DPP10: variants seen among roughly 807,000 people sequenced by gnomAD.
The protein encoded by DPP10 is dipeptidyl peptidase like 10.
A neutral mutation model predicts 120.9 loss-of-function variants in DPP10; 33 were observed. The observed-to-expected ratio is 0.27, with a 90% CI of 0.21 to 0.37. The LOEUF (loss-of-function observed/expected upper bound fraction) is 0.37, where lower values mean the gene tolerates loss of function less well. Among genes scored for constraint, DPP10 ranks in the 10% least tolerant of loss-of-function variants. The pLI, the probability that DPP10 is intolerant of heterozygous loss-of-function variation, is 1.00. For synonymous variants in DPP10, 337 were observed against 326.1 expected (o/e 1.03, Z -0.36); for missense variants, 816 against 942.8 (o/e 0.87, Z 1.76).
intron 3 of DPP10, among the ~76,000 whole-genome samples, chr2:115,391,254 A>G (rs1244951777): frequency 6.6e-6 from 1 of 152,194 alleles, no homozygotes; most frequent in African/African-American, 2.4e-5. Flanking sequence ...ATGATTAACA[A>G]CAGGACTTAT....
intron 5 of DPP10, among the ~76,000 whole-genome samples, chr2:115,598,818 T>TC (rs939411789): frequency 6.6e-6 from 1 of 151,080 alleles, no homozygotes. Flanking sequence ...AAGAGCTTTT[T>TC]TTTTTTTCAT....
intron 1 of DPP10, among the ~76,000 whole-genome samples, chr2:114,930,556 G>T (rs2104495848): frequency 6.6e-6 from 1 of 152,298 alleles, no homozygotes; most frequent in Non-Finnish European, 1.5e-5. Flanking sequence ...TTCCATCTGA[G>T]GTGCCATCAG....
At chr2:115,201,974 A>G (rs1034427959) in intron 1 of DPP10, among the ~76,000 whole-genome samples, 2 of 152,096 alleles carry the variant, frequency 1.3e-5, no homozygotes, top group South Asian at 4.1e-4. Context: ...ATGTCTTAGG[A>G]TGAGGGTACT....
At chr2:114,843,742 T>G (rs1233198154) in intron 1 of DPP10, among the ~76,000 whole-genome samples, 1 of 152,116 alleles carries the variant, frequency 6.6e-6, no homozygotes, top group Non-Finnish European at 1.5e-5. Context: ...CGTCAATCCC[T>G]TCTGCCTCCT....
At chr2:115,373,207 T>C (rs528581527) in intron 3 of DPP10, among the ~76,000 whole-genome samples, 1 of 152,292 alleles carries the variant, frequency 6.6e-6, no homozygotes, top group South Asian at 2.1e-4. Flanking sequence ...TGTCAAACAC[T>C]CAGATAATAA....
chr2:114,495,983 C>A (rs1273062098), intron 1 of DPP10, among the ~76,000 whole-genome samples: 1 of 152,168 alleles, frequency 6.6e-6, no homozygotes, highest in African/African-American at 2.4e-5. Context: ...CAAGACTGAT[C>A]CTGATATCAT....
chr2:114,549,694 GAA>G (rs1400919451), intron 1 of DPP10, among the ~76,000 whole-genome samples: 2 of 135,218 alleles, frequency 1.5e-5, no homozygotes, highest in African/African-American at 2.7e-5. Context: ...AAGAGAGAGA[GAA>G]ATAAATAAAA....
rs530368244 is a variant in DPP10 at position 114,571,497 on chromosome 2, T to A, written c.60+128659T>A. On this transcript the variant is annotated intron_variant, in intron 1 of 25. Transcript: ENST00000410059. ...ACCCAGTCTTGCATATTTCTTTATA[T>A]CAATGAGAGAACAGACTAATACCTT... is the stretch of plus-strand genomic sequence containing the variant. Among the ~76,000 whole-genome samples, 4 of 152,256 alleles carry A rather than the reference T, an allele frequency of 2.6e-5. No homozygotes were observed. In the East Asian group the frequency reaches 5.8e-4, roughly 22 times the overall value.
chr2:114,622,505 C>CT (rs1388161790), intron 1 of DPP10, among the ~76,000 whole-genome samples: 5 of 151,582 alleles, frequency 3.3e-5, no homozygotes, highest in Non-Finnish European at 7.4e-5. Flanking sequence ...GAATCCGTTG[C>CT]TTTTTTGCTA....
chr2:114,761,320 TG>T (rs1218415731), intron 1 of DPP10, among the ~76,000 whole-genome samples: 1 of 152,182 alleles, frequency 6.6e-6, no homozygotes, highest in Non-Finnish European at 1.5e-5. Flanking sequence ...TAATTCTCCC[TG>T]GATCTCATAT....
intron 1 of DPP10, among the ~76,000 whole-genome samples, chr2:115,184,205 CAGTT>C (rs987820895): frequency 5.9e-5 from 9 of 152,262 alleles, no homozygotes; most frequent in South Asian, 4.1e-4. Context: ...AGAATAAAAA[CAGTT>C]AGTATTTTAA....
chr2:115,314,606 G>T (rs185691684), intron 2 of DPP10, among the ~76,000 whole-genome samples: 4 of 152,178 alleles, frequency 2.6e-5, no homozygotes, highest in East Asian at 3.9e-4. Flanking sequence ...TTTCAGTTCC[G>T]CAATAGAGAT....
chr2:115,620,178 T>C (rs1372562653), intron 5 of DPP10, among the ~76,000 whole-genome samples: 3 of 152,216 alleles, frequency 2.0e-5, no homozygotes, highest in Admixed American at 6.5e-5. Flanking sequence ...AAATCTGTCA[T>C]CTAATCACTC....
intron 3 of DPP10, 127 bp downstream of exon 3, chr2:115,344,039 G>GGT: frequency 3.3e-6 from 2 of 597,088 alleles, no homozygotes; most frequent in Non-Finnish European, 5.0e-6. Context: ...GGGAGGCCAA[G>GGT]GCAGGAGAAT....
chr2:114,670,861 C>T (rs1335206984), intron 1 of DPP10, among the ~76,000 whole-genome samples: 1 of 152,008 alleles, frequency 6.6e-6, no homozygotes, highest in Non-Finnish European at 1.5e-5. Flanking sequence ...AATTGTTGTG[C>T]TGTAGGAAAA....
chr2:115,456,234 G>T (rs1265961026), intron 3 of DPP10, among the ~76,000 whole-genome samples: 3 of 152,126 alleles, frequency 2.0e-5, no homozygotes, highest in Non-Finnish European at 2.9e-5. Context: ...TTTCATTAGA[G>T]AAATGCAAAT....
At chr2:114,829,645 C>T (rs923225348) in intron 1 of DPP10, among the ~76,000 whole-genome samples, 5 of 151,372 alleles carry the variant, frequency 3.3e-5, no homozygotes, top group South Asian at 2.1e-4. Context: ...CCAAAGTGCT[C>T]GGATTACAGG....
At chr2:114,444,607 T>A (rs771114653) in intron 1 of DPP10, among the ~76,000 whole-genome samples, 12 of 152,186 alleles carry the variant, frequency 7.9e-5, no homozygotes, top group Non-Finnish European at 1.6e-4. Context: ...TGTAGAGGTT[T>A]TACATCATCT....
intron 1 of DPP10, among the ~76,000 whole-genome samples, chr2:114,522,297 T>C (rs540422671): frequency 2.0e-4 from 30 of 152,286 alleles, no homozygotes; most frequent in Admixed American, 5.9e-4. Context: ...CCAAGGTTTT[T>C]ATACCCAGTC....
Sources: allele counts gnomAD v4.1 joint callset (sites outside exome capture counted in the v4.1 genomes callset), GRCh38; gene constraint gnomAD v4.1.1; transcripts MANE v1.5; gene names NCBI Gene and HGNC (gene_info 2026-07-23, HGNC 2026-07-21).